ASIC2: variants seen among roughly 807,000 people sequenced by gnomAD.
ASIC2 encodes acid sensing ion channel subunit 2.
In ASIC2, 25 loss-of-function variants were observed where a neutral mutation model predicts 57.3. The ratio of observed to expected loss-of-function variants is 0.44; its 90% CI spans 0.32 to 0.61. The LOEUF is 0.61. Among genes scored for constraint, ASIC2 ranks in the 20% least tolerant of loss-of-function variants. The probability of loss-of-function intolerance (pLI) is 0.06; values close to 1 mark genes in which losing one functional copy is unlikely to be tolerated. For missense variants in ASIC2, 641 were observed against 738.1 expected, an observed-to-expected ratio of 0.87 and a Z score of 1.52; for synonymous variants, 319 against 307.5, an observed-to-expected ratio of 1.04 and a Z score of -0.39.
intron 1 of ASIC2, among the ~76,000 whole-genome samples, chr17:33,830,154 A>ATTTTTTTTT (rs965359285): frequency 6.6e-6 from 1 of 151,620 alleles, no homozygotes; most frequent in African/African-American, 2.4e-5. Flanking sequence ...GCTTCCTCAG[A>ATTTTTTTTT]TTTTTTTTTC....
intron 1 of ASIC2, among the ~76,000 whole-genome samples, chr17:33,435,180 C>CTGAAAAGCTCTGTTTGATTATTT (rs1911564978): frequency 6.6e-6 from 1 of 152,038 alleles, no homozygotes; most frequent in Non-Finnish European, 1.5e-5. Context: ...GCTGAAAAGG[C>CTGAAAAGCTCTGTTTGATTATTT]CTAGAAATAA....
At chr17:33,624,884 T>C (rs143103578) in intron 1 of ASIC2, among the ~76,000 whole-genome samples, 3 of 152,328 alleles carry the variant, frequency 2.0e-5, no homozygotes, top group African/African-American at 7.2e-5. Flanking sequence ...AAGAACATTC[T>C]ATATGTCAAG....
intron 1 of ASIC2, among the ~76,000 whole-genome samples, chr17:33,536,697 C>T (rs538499199): frequency 1.3e-5 from 2 of 152,316 alleles, no homozygotes; most frequent in East Asian, 3.9e-4. Flanking sequence ...ACACAGTAGC[C>T]AAAGTGATCT....
intron 1 of ASIC2, among the ~76,000 whole-genome samples, chr17:33,370,336 C>T: frequency 6.6e-6 from 1 of 152,208 alleles, no homozygotes; most frequent in Non-Finnish European, 1.5e-5. Flanking sequence ...GGCAACCTCG[C>T]AGTACTGGGA....
intron 1 of ASIC2, among the ~76,000 whole-genome samples, chr17:33,984,035 C>T (rs1389155544): frequency 6.6e-6 from 1 of 152,186 alleles, no homozygotes; most frequent in Non-Finnish European, 1.5e-5. Context: ...CCTTTTCATG[C>T]TCTTTTCTAT....
intron 1 of ASIC2, among the ~76,000 whole-genome samples, chr17:34,124,262 A>G (rs576551480): frequency 6.6e-6 from 1 of 152,298 alleles, no homozygotes; most frequent in Non-Finnish European, 1.5e-5. Flanking sequence ...AATGGGTGAC[A>G]TCACTTACTA....
intron 1 of ASIC2, among the ~76,000 whole-genome samples, chr17:33,149,137 CTT>C (rs2142027141): frequency 6.6e-6 from 1 of 152,134 alleles, no homozygotes; most frequent in Non-Finnish European, 1.5e-5. Context: ...AAAAAACAAA[CTT>C]GACATATATC....
intron 1 of ASIC2, among the ~76,000 whole-genome samples, chr17:33,379,551 C>A (rs1909403797): frequency 6.6e-6 from 1 of 152,196 alleles, no homozygotes; most frequent in Admixed American, 6.5e-5. Flanking sequence ...CTGTTTCGCT[C>A]TTCAAACCTC....
At chr17:33,052,107 C>T (rs771088476) in intron 3 of ASIC2, 4 of 152,136 alleles carry the variant, frequency 2.6e-5, no homozygotes, top group South Asian at 2.1e-4. Context: ...GAAAGAGGAA[C>T]CCATGGAAAA....
At chr17:33,600,702 A>G (rs1339369814) in intron 1 of ASIC2, among the ~76,000 whole-genome samples, 1 of 152,180 alleles carries the variant, frequency 6.6e-6, no homozygotes, top group Non-Finnish European at 1.5e-5. Flanking sequence ...TTAGTGTTCC[A>G]ATAATGGAAC....
intron 1 of ASIC2, among the ~76,000 whole-genome samples, chr17:33,131,160 G>A (rs1188065147): frequency 6.6e-6 from 1 of 152,144 alleles, no homozygotes; most frequent in East Asian, 1.9e-4. Context: ...TGGGCAGAAC[G>A]GGATAGGACT....
At chr17:33,580,145 T>C (rs1173386437) in intron 1 of ASIC2, 1 of 152,176 alleles carries the variant, frequency 6.6e-6, no homozygotes, top group African/African-American at 2.4e-5. Context: ...GGGTAGTAAG[T>C]TGACCACCAG....
Position 33,292,274 on chromosome 17 carries a change from C to T in ASIC2, c.-159G>A, listed in dbSNP as rs1392776484. Reference sequence around the variant, plus strand: ...AGGAGCTCCGGTGGCGCGGCATGCCCGCCCGGCGCCGCCGCTGCCGCCTCC... The same window carrying T: ...AGGAGCTCCGGTGGCGCGGCATGCCTGCCCGGCGCCGCCGCTGCCGCCTCC... On this transcript the variant is annotated 5_prime_UTR_variant, in exon 1 of 10. Coordinates refer to ENST00000225823, the MANE Select transcript of ASIC2 (RefSeq NM_183377.2). 2.0e-6 allele frequency: 2 copies of T among 989,616 alleles called. No homozygotes were observed. Among genetic ancestry groups the T allele is most frequent in the Non-Finnish European group, 2.4e-6 (2 of 834,056 alleles). 61.3% of individuals were successfully genotyped at this position (989,616 alleles called of 1,614,324 possible).
intron 1 of ASIC2, among the ~76,000 whole-genome samples, chr17:34,117,297 C>G (rs571660945): frequency 5.1e-4 from 78 of 152,084 alleles, no homozygotes; most frequent in Non-Finnish European, 7.8e-4. Flanking sequence ...TTTGTGTGAC[C>G]CACATGTATA....
chr17:33,044,454 C>T (rs932862095), intron 3 of ASIC2, among the ~76,000 whole-genome samples: 2 of 152,140 alleles, frequency 1.3e-5, no homozygotes, highest in Non-Finnish European at 2.9e-5. Flanking sequence ...CTCACTGCAA[C>T]CTCCGCCTCC....
intron 1 of ASIC2, among the ~76,000 whole-genome samples, chr17:34,120,382 A>G (rs1911571712): frequency 6.6e-6 from 1 of 152,074 alleles, no homozygotes; most frequent in South Asian, 2.1e-4. Flanking sequence ...TGGAAATCTG[A>G]TACAGTATAG....
intron 1 of ASIC2, among the ~76,000 whole-genome samples, chr17:33,578,913 T>C (rs577058854): frequency 1.3e-5 from 2 of 152,252 alleles, no homozygotes; most frequent in South Asian, 2.1e-4. Flanking sequence ...CAAGAAAAGA[T>C]GGATGGGGTC....
chr17:33,025,923 G>A lies in ASIC2; in HGVS notation c.1195+3C>T, dbSNP rs371162395. On this transcript the variant is annotated splice_donor_region_variant and intron_variant, in intron 5 of 9. Coordinates refer to ENST00000225823, the MANE Select transcript of ASIC2 (RefSeq NM_183377.2). Reference sequence around the variant, plus strand: ...TGATTCCATCTGTCCCCTGAGTACTGACCTAGGGCAGGCTCTGCACACTCC... The same window carrying A: ...TGATTCCATCTGTCCCCTGAGTACTAACCTAGGGCAGGCTCTGCACACTCC... 6 of 1,612,112 alleles carry A rather than the reference G, an allele frequency of 3.7e-6. No individual in the cohort carries two copies. In the African/African-American group the frequency reaches 8.0e-5, roughly 22 times the overall value.
chr17:34,122,388 G>T (rs1911650289), intron 1 of ASIC2, among the ~76,000 whole-genome samples: 1 of 152,210 alleles, frequency 6.6e-6, no homozygotes, highest in Non-Finnish European at 1.5e-5. Flanking sequence ...AGCCAATCAT[G>T]TCAAAGTCTC....
Sources: allele counts gnomAD v4.1 joint callset (sites outside exome capture counted in the v4.1 genomes callset), GRCh38; gene constraint gnomAD v4.1.1; transcripts MANE v1.5; gene names NCBI Gene and HGNC (gene_info 2026-07-23, HGNC 2026-07-21).